GALNT18: variants seen among roughly 807,000 people sequenced by gnomAD.
GALNT18 encodes GalNAc-transferase 18.
Under a neutral mutation model 69.5 loss-of-function variants are expected in GALNT18, and 44 were observed. The ratio of observed to expected loss-of-function variants is 0.63; its 90% confidence interval spans 0.50 to 0.81. The LOEUF is 0.81. GALNT18 is among the 40% of genes least tolerant of loss of function. GALNT18 has a pLI of 0.00. For synonymous variants in GALNT18, 364 were observed against 318.2 expected (o/e 1.14, Z -1.53); for missense variants, 715 against 810.0 (o/e 0.88, Z 1.42).
intron 1 of GALNT18, among the ~76,000 whole-genome samples, chr11:11,512,716 A>G (rs1857188835): frequency 6.6e-6 from 1 of 152,178 alleles, no homozygotes; most frequent in Non-Finnish European, 1.5e-5. Flanking sequence ...TGCTACGGAG[A>G]GTCTGGCGGC....
chr11:11,335,200 C>T (rs937560067), intron 7 of GALNT18, among the ~76,000 whole-genome samples: 3 of 152,170 alleles, frequency 2.0e-5, no homozygotes, highest in African/African-American at 7.2e-5. Flanking sequence ...AGTTTGCCTC[C>T]CTCCATACGA....
intron 10 of GALNT18, among the ~76,000 whole-genome samples, chr11:11,292,783 CAAT>C (rs983151557): frequency 3.3e-4 from 50 of 152,114 alleles, no homozygotes; most frequent in African/African-American, 7.0e-4. Flanking sequence ...AAAACAACAA[CAAT>C]AATAATAAAC....
chr11:11,567,352 C>T (rs1858678992), intron 1 of GALNT18, among the ~76,000 whole-genome samples: 1 of 152,128 alleles, frequency 6.6e-6, no homozygotes, highest in Non-Finnish European at 1.5e-5. Flanking sequence ...ACTAACACCT[C>T]CATTAAAGAA....
rs1856040764 is a variant in GALNT18 at position 11,461,432 on chromosome 11, T to G, written c.236-12496A>C. The stretch of plus-strand genomic sequence containing the variant: ...ATGTGAAAAAACTCATTTTAGAGAG[T>G]GACAAATGTCTGTATCTTAGGAATC... On this transcript the variant is annotated intron_variant, in intron 1 of 10. Transcript: ENST00000227756. This position sits in a 1 kb window ranked among gnomAD's most constrained non-coding sequence, Gnocchi z 4.1. Among the ~76,000 whole-genome samples, 1 of 152,162 alleles carries G rather than the reference T, an allele frequency of 6.6e-6. No individual in the cohort carries two copies.
chr11:11,543,757 C>T lies in GALNT18; in HGVS notation c.235+77602G>A, dbSNP rs1289809684. 6.6e-6 allele frequency among the ~76,000 whole-genome samples: 1 copy of T among 152,220 alleles called. No homozygotes were observed. Among genetic ancestry groups the T allele is most frequent in the Non-Finnish European group, 1.5e-5 (1 of 68,040 alleles). Reference sequence around the variant, plus strand: ...GCTGAGATCACTGACTCCTACATCCCATGGCTCTGTGATGTGACTGGGGCC... The same window carrying T: ...GCTGAGATCACTGACTCCTACATCCTATGGCTCTGTGATGTGACTGGGGCC... On this transcript the variant is annotated intron_variant, in intron 1 of 10. Transcript: ENST00000227756. This position sits in a 1 kb window ranked among gnomAD's most constrained non-coding sequence, Gnocchi z 5.1.
In GALNT18 at chr11:11,372,641, G is replaced by C. The variant is rs1406363105; in HGVS notation, c.978-12C>G. ...TGAGGGCAGGGCTCCTGCAGGGGCA[G>C]GGGAGAGCAGAAGGGCTGTCTGGTG... On this transcript the variant is annotated splice_polypyrimidine_tract_variant and intron_variant, in intron 5 of 10. Coordinates refer to ENST00000227756, the MANE Select transcript of GALNT18 (RefSeq NM_198516.3). The surrounding 1 kb of genome is among the most constrained non-coding windows in gnomAD (Gnocchi z 4.9). 1 of 1,608,388 alleles carries C rather than the reference G, an allele frequency of 6.2e-7. No individual in the cohort carries two copies. Among genetic ancestry groups the C allele is most frequent in the South Asian group, 1.1e-5 (1 of 90,904 alleles).
In GALNT18 at chr11:11,603,408, G is replaced by C. The variant is rs1488393434; in HGVS notation, c.235+17951C>G. On this transcript the variant is annotated intron_variant, in intron 1 of 10. Coordinates refer to ENST00000227756, the MANE Select transcript of GALNT18 (RefSeq NM_198516.3). The surrounding 1 kb of genome is among the most constrained non-coding windows in gnomAD (Gnocchi z 4.5). ...AGGGAGTGTGGCCTGCCAAAGGTGG[G>C]GGAATGTATAGGGCTTTCTCTGAGA... Among the ~76,000 whole-genome samples, 1 of 152,112 alleles carries C rather than the reference G, an allele frequency of 6.6e-6. No homozygotes were observed. Among genetic ancestry groups the C allele is most frequent in the East Asian group, 1.9e-4 (1 of 5,188 alleles).
chr11:11,492,219 C>A (rs1856785231), intron 1 of GALNT18, among the ~76,000 whole-genome samples: 2 of 152,232 alleles, frequency 1.3e-5, no homozygotes, highest in African/African-American at 4.8e-5. Flanking sequence ...ACTCGTACTG[C>A]TGTGCTGCCA....
intron 10 of GALNT18, among the ~76,000 whole-genome samples, chr11:11,291,591 A>G (rs1849299652): frequency 6.7e-6 from 1 of 149,826 alleles, no homozygotes; most frequent in Non-Finnish European, 1.5e-5. Context: ...AGTCCTTTGC[A>G]TGAGTTCCCT....
At chr11:11,438,175 G>T (rs1855453884) in intron 2 of GALNT18, among the ~76,000 whole-genome samples, 1 of 152,276 alleles carries the variant, frequency 6.6e-6, no homozygotes, top group South Asian at 2.1e-4. Context: ...ATTATCCTCT[G>T]GCCTTACTCA....
chr11:11,296,706 T>C (rs910611031), intron 9 of GALNT18, among the ~76,000 whole-genome samples: 3 of 152,166 alleles, frequency 2.0e-5, no homozygotes, highest in Non-Finnish European at 4.4e-5. Flanking sequence ...GGTACAGCTG[T>C]CATCAGAGCT....
chr11:11,334,628 T>C (rs1312252497), intron 7 of GALNT18, among the ~76,000 whole-genome samples: 2 of 152,192 alleles, frequency 1.3e-5, no homozygotes, highest in Non-Finnish European at 2.9e-5. Flanking sequence ...ATATAAAAAT[T>C]TGAACCTGCT....
intron 1 of GALNT18, among the ~76,000 whole-genome samples, chr11:11,515,204 C>A (rs1289225954): frequency 6.6e-6 from 1 of 152,138 alleles, no homozygotes; most frequent in Non-Finnish European, 1.5e-5. Context: ...GGTCACCCTG[C>A]AAAGGGCTTG....
At chr11:11,428,337 G>C (rs1294888679) in intron 3 of GALNT18, among the ~76,000 whole-genome samples, 1 of 152,228 alleles carries the variant, frequency 6.6e-6, no homozygotes. Flanking sequence ...AGCTCAGCCT[G>C]GGGTCAAGGA....
At chr11:11,585,646 G>A (rs145542398) in intron 1 of GALNT18, among the ~76,000 whole-genome samples, 73 of 152,130 alleles carry the variant, frequency 4.8e-4, no homozygotes, top group Middle Eastern at 3.4e-3. Flanking sequence ...ATGAGCCACC[G>A]CGCCCGGCCG....
Position 11,621,219 on chromosome 11 carries a change from C to A in GALNT18, c.235+140G>T. The A allele has an allele frequency of 1.5e-6, 1 of 671,032 alleles. No homozygotes were observed. 41.6% of individuals were successfully genotyped at this position (671,032 alleles called of 1,614,324 possible). A position where few individuals can be genotyped will look rare whatever the true frequency, so the allele number is the denominator to read the frequency against. On this transcript the variant is annotated intron_variant, in intron 1 of 10. Transcript: ENST00000227756. This position sits in a 1 kb window ranked among gnomAD's most constrained non-coding sequence, Gnocchi z 9.3. ...CCGAACGCAGGCAGGAGCTCACACGCAGGCCCCACGACTACCACGCATCTG... is the reference window on the plus strand; with the variant it reads ...CCGAACGCAGGCAGGAGCTCACACGAAGGCCCCACGACTACCACGCATCTG...
At chr11:11,371,875 T>C (rs1220089343) in intron 6 of GALNT18, among the ~76,000 whole-genome samples, 4 of 152,166 alleles carry the variant, frequency 2.6e-5, no homozygotes, top group African/African-American at 9.7e-5. Flanking sequence ...TCCTGTAGGA[T>C]GAGAAATAAC....
In GALNT18 at chr11:11,601,613, T is replaced by C. The variant is rs1859636679; in HGVS notation, c.235+19746A>G. On this transcript the variant is annotated intron_variant, in intron 1 of 10. Transcript: ENST00000227756. This position sits in a 1 kb window ranked among gnomAD's most constrained non-coding sequence, Gnocchi z 4.0. ...TGCTCCACAGTCTGATCCAATTAAA[T>C]TTGGGTTTGGGGGTTCTTTTGGCAG... Among the ~76,000 whole-genome samples the C allele has an allele frequency of 6.6e-6, 1 of 152,174 alleles. No individual in the cohort carries two copies. Among genetic ancestry groups the C allele is most frequent in the African/African-American group, 2.4e-5 (1 of 41,446 alleles).
rs191853956 is a variant in GALNT18 at position 11,603,249 on chromosome 11, C to T, written c.235+18110G>A. On this transcript the variant is annotated intron_variant, in intron 1 of 10. Coordinates refer to ENST00000227756, the MANE Select transcript of GALNT18 (RefSeq NM_198516.3). This position sits in a 1 kb window ranked among gnomAD's most constrained non-coding sequence, Gnocchi z 4.5. ...AGACTAAGTGTTGCCACATAAGAACCGTCCTCCAAGGCTGTAAACAGATTG... is the reference window on the plus strand; with the variant it reads ...AGACTAAGTGTTGCCACATAAGAACTGTCCTCCAAGGCTGTAAACAGATTG... Among the ~76,000 whole-genome samples, 39 of 152,276 alleles carry T rather than the reference C, an allele frequency of 2.6e-4. No individual in the cohort carries two copies. Among genetic ancestry groups the T allele is most frequent in the African/African-American group, 7.9e-4 (33 of 41,554 alleles).
Sources: allele counts gnomAD v4.1 joint callset (sites outside exome capture counted in the v4.1 genomes callset), GRCh38; gene constraint gnomAD v4.1.1; non-coding constraint Gnocchi (gnomAD v3.1); transcripts MANE v1.5; gene names NCBI Gene and HGNC (gene_info 2026-07-23, HGNC 2026-07-21).